HEPHL1: variants seen among roughly 807,000 people sequenced by gnomAD.
HEPHL1 encodes ferroxidase HEPHL1.
In HEPHL1, 123 loss-of-function variants were observed where a neutral mutation model predicts 122.0. The observed-to-expected ratio is 1.01, with a 90% CI of 0.87 to 1.17. The LOEUF is 1.17. Ranked by LOEUF, HEPHL1 falls within the 50% of genes most tolerant of loss-of-function variation. HEPHL1 has a pLI of 0.00. For synonymous variants in HEPHL1, 527 were observed against 508.9 expected (o/e 1.04, Z -0.48); for missense variants, 1,452 against 1,430.5 (o/e 1.01, Z -0.24).
At chr11:94,055,883 C>T (rs1219970503) in intron 2 of HEPHL1, 1 of 690,014 alleles carries the variant, frequency 1.4e-6, no homozygotes, top group East Asian at 3.2e-5. Flanking sequence ...GCTCAGCATC[C>T]ACATAATATA....
chr11:94,077,846 G>C lies in HEPHL1; in HGVS notation c.1716+2461G>C, dbSNP rs77070200. 4.7e-3 allele frequency among the ~76,000 whole-genome samples: 719 copies of C among 152,294 alleles called. 13 individuals are homozygous for C. The highest frequency in any genetic ancestry group is 0.027 in the South Asian group (131 of 4,818). On this transcript the variant is annotated intron_variant, in intron 9 of 19. Coordinates refer to ENST00000315765, the MANE Select transcript of HEPHL1 (RefSeq NM_001098672.2). The stretch of plus-strand genomic sequence containing the variant: ...CTTTGGCTTTGGGCCTCTGTACCAG[G>C]CTCCTTATGCCTGGAATGTCATCCC...
At chr11:94,029,416 C>T (rs1223883882) in intron 1 of HEPHL1, among the ~76,000 whole-genome samples, 1 of 152,144 alleles carries the variant, frequency 6.6e-6, no homozygotes, top group African/African-American at 2.4e-5. Context: ...GCCCATCTAA[C>T]TTGCAAAAGC....
intron 12 of HEPHL1, among the ~76,000 whole-genome samples, chr11:94,092,853 T>A (rs1946272596): frequency 6.6e-6 from 1 of 152,222 alleles, no homozygotes; most frequent in Non-Finnish European, 1.5e-5. Flanking sequence ...TGCAGGAACC[T>A]AACCCTATAT....
At chr11:94,083,621 C>A (rs963261604) in intron 10 of HEPHL1, among the ~76,000 whole-genome samples, 16 of 152,176 alleles carry the variant, frequency 1.1e-4, no homozygotes, top group Admixed American at 6.5e-4. Flanking sequence ...AACAAAATAG[C>A]CCTTAACCTC....
intron 3 of HEPHL1, 69 bp downstream of exon 3, chr11:94,063,789 A>T (rs1238626455): frequency 1.5e-6 from 2 of 1,325,022 alleles, no homozygotes; most frequent in Non-Finnish European, 1.1e-6. Context: ...TATTTTGCCT[A>T]CCTCCTTTGC....
rs757340402 is a variant in HEPHL1 at position 94,101,365 on chromosome 11, TGAA to T, written c.2575+37_2575+39del. 6.9e-6 allele frequency: 11 copies of T among 1,593,822 alleles called. No individual in the cohort carries two copies. In the East Asian group the frequency reaches 9.0e-5, roughly 13 times the overall value. The stretch of plus-strand genomic sequence containing the variant: ...GTTGTGTCAGAGGTCTGCTCCATCT[TGAA>T]GAAGAACATTGGCGTCAACTCTTTT... On this transcript the variant is annotated intron_variant, in intron 14 of 19. Coordinates refer to ENST00000315765, the MANE Select transcript of HEPHL1 (RefSeq NM_001098672.2).
At chr11:94,098,887 C>T (rs1004983022) in intron 13 of HEPHL1, among the ~76,000 whole-genome samples, 2 of 152,220 alleles carry the variant, frequency 1.3e-5, no homozygotes, top group Non-Finnish European at 2.9e-5. Context: ...GACTTCTCTA[C>T]ACTGGTTATT....
At chr11:94,055,152 G>T (rs1399562450) in intron 2 of HEPHL1, 1 of 216,438 alleles carries the variant, frequency 4.6e-6, no homozygotes, top group South Asian at 6.9e-5. Context: ...CATCACCTGT[G>T]GTGGCCAGTG....
rs558286762 is a variant in HEPHL1, at chr11:94,059,495, A to G, written c.416-4013A>G. On this transcript the variant is annotated intron_variant, in intron 2 of 19. Coordinates refer to ENST00000315765, the MANE Select transcript of HEPHL1 (RefSeq NM_001098672.2). ...GCTTAATTCTCCCATGACCCCATCAATCCTCAAAATTCTCAAATCTGATGG... is the reference window on the plus strand; with the variant it reads ...GCTTAATTCTCCCATGACCCCATCAGTCCTCAAAATTCTCAAATCTGATGG... Among the ~76,000 whole-genome samples, 8 of 152,262 alleles carry G rather than the reference A, an allele frequency of 5.3e-5. No individual in the cohort carries two copies. The East Asian group carries it at 1.4e-3, about 26-fold the overall frequency.
chr11:94,045,329 G>A (rs1945824576), intron 1 of HEPHL1, among the ~76,000 whole-genome samples: 1 of 152,238 alleles, frequency 6.6e-6, no homozygotes, highest in Non-Finnish European at 1.5e-5. Context: ...CTAGTCACAG[G>A]CTGAGAATGC....
intron 2 of HEPHL1, among the ~76,000 whole-genome samples, chr11:94,057,850 G>T (rs1406006328): frequency 6.6e-6 from 1 of 151,540 alleles, no homozygotes; most frequent in Admixed American, 6.6e-5. Flanking sequence ...TCATATTTTT[G>T]TTGTTCTTGA....
intron 13 of HEPHL1, among the ~76,000 whole-genome samples, chr11:94,093,854 G>A (rs1307416132): frequency 1.3e-5 from 2 of 150,924 alleles, no homozygotes; most frequent in Non-Finnish European, 2.9e-5. Context: ...AGGACTACCA[G>A]ATAATACACA....
chr11:94,078,307 A>G (rs1241143412), intron 9 of HEPHL1, among the ~76,000 whole-genome samples: 1 of 151,804 alleles, frequency 6.6e-6, no homozygotes, highest in African/African-American at 2.4e-5. Context: ...CCACATTTCA[A>G]TACTCAGAGT....
At chr11:94,064,779 T>C (rs1287307580) in intron 4 of HEPHL1, among the ~76,000 whole-genome samples, 1 of 152,162 alleles carries the variant, frequency 6.6e-6, no homozygotes, top group East Asian at 1.9e-4. Flanking sequence ...GATGTTATAT[T>C]GTAATTGGAA....
Position 94,021,482 on chromosome 11 carries a change from G to A in HEPHL1, c.114G>A (p.Trp38Ter). The A allele has an allele frequency of 6.2e-7, 1 of 1,613,422 alleles. No individual in the cohort carries two copies. The highest frequency in any genetic ancestry group is 8.5e-7 in the Non-Finnish European group (1 of 1,179,476). ...ACATTGGGATTGTGGAAGAATACTG[G>A]AACTATGTACCCCAAGGGAAGAATG... is the stretch of plus-strand genomic sequence containing the variant. ...TYYIGIVEEY[W>*]NYVPQGKNVI... Residue 38 changes from tryptophan (W) to a stop codon, truncating the protein, a stop_gained, in exon 1 of 20, where the codon TGG (tryptophan) becomes TGA (stop). Transcript: ENST00000315765. LOFTEE classifies it high-confidence loss of function.
At chr11:94,070,022 A>G (rs1166259338) in intron 5 of HEPHL1, among the ~76,000 whole-genome samples, 1 of 152,110 alleles carries the variant, frequency 6.6e-6, no homozygotes, top group Non-Finnish European at 1.5e-5. Context: ...GAAAACTGTT[A>G]AGGTTTGAGT....
intron 10 of HEPHL1, among the ~76,000 whole-genome samples, chr11:94,083,414 G>A (rs1464472674): frequency 1.3e-5 from 2 of 152,154 alleles, no homozygotes; most frequent in African/African-American, 4.8e-5. Context: ...TTGCTTGTGA[G>A]TAACACAGGA....
intron 2 of HEPHL1, among the ~76,000 whole-genome samples, chr11:94,060,146 A>G (rs1393918609): frequency 1.2e-5 from 1 of 81,144 alleles, no homozygotes; most frequent in Non-Finnish European, 2.6e-5. Context: ...ATATATATAT[A>G]TATACACGCA....
chr11:94,093,756 C>A (rs79040406), intron 13 of HEPHL1, 116 bp downstream of exon 13: 15,460 of 1,150,182 alleles, frequency 0.013, 137 homozygotes, highest in Non-Finnish European at 0.016. Flanking sequence ...AGTAGCTTGA[C>A]TGCATTCCTC....
Sources: gnomAD v4.1 joint callset for allele counts (sites outside exome capture counted in the v4.1 genomes callset) on GRCh38, gnomAD v4.1.1 for gene constraint, MANE v1.5 for transcripts, NCBI Gene and HGNC (gene_info 2026-07-23, HGNC 2026-07-21) for gene names.